Variants in FAT1 observed in about 807,000 individuals in gnomAD.
The protein encoded by FAT1 is FAT atypical cadherin 1.
Under a neutral mutation model 329.8 loss-of-function variants are expected in FAT1, and 171 were observed. The ratio of observed to expected loss-of-function variants is 0.52; its 90% confidence interval spans 0.46 to 0.59. FAT1 has a LOEUF of 0.59. FAT1 is among the 20% of genes least tolerant of loss of function. FAT1 has a pLI of 0.00. For missense variants in FAT1, 5,672 were observed against 5,774.4 expected (o/e 0.98, Z 0.57); for synonymous variants, 2,233 against 2,228.6 (o/e 1.00, Z -0.06).
intron 3 of FAT1, among the ~76,000 whole-genome samples, chr4:186,655,805 T>C (rs1041351036): frequency 4.6e-5 from 7 of 152,222 alleles, no homozygotes; most frequent in Admixed American, 6.5e-5. Context: ...GTATACAGTA[T>C]GCTATCTGTA....
At position 186,653,567 on chromosome 4, in the gene FAT1, C is replaced by T. The variant is rs556592115; in HGVS notation, c.3580+9732G>A. Among the ~76,000 whole-genome samples, 10 of 152,274 alleles carry T rather than the reference C, an allele frequency of 6.6e-5. No individual in the cohort carries two copies. In the East Asian group the frequency reaches 1.5e-3, roughly 23 times the overall value. On this transcript the variant is annotated intron_variant, in intron 3 of 26. Transcript: ENST00000441802. ...GTTTAACTAGTCCCACCAGTAAATA[C>T]GTCCACTCATCAGGAGTCAGGAAAG...
chr4:186,686,448 A>T (rs1464363439), intron 2 of FAT1, among the ~76,000 whole-genome samples: 1 of 152,194 alleles, frequency 6.6e-6, no homozygotes, highest in African/African-American at 2.4e-5. Flanking sequence ...CAATGAAAGC[A>T]TCTTGGCATA....
At chr4:186,652,915 T>G (rs1741733245) in intron 3 of FAT1, among the ~76,000 whole-genome samples, 1 of 152,230 alleles carries the variant, frequency 6.6e-6, no homozygotes. Flanking sequence ...CTTTAGGGAT[T>G]ACCACACATA....
chr4:186,651,018 A>C (rs888529522), intron 3 of FAT1, among the ~76,000 whole-genome samples: 4 of 63,386 alleles, frequency 6.3e-5, no homozygotes, highest in Non-Finnish European at 1.3e-4. Flanking sequence ...ACAATGAAGT[A>C]TTAAATAATT....
intron 11 of FAT1, 52 bp from the exon 12 acceptor site, chr4:186,614,396 A>T: frequency 8.3e-7 from 1 of 1,209,424 alleles, no homozygotes; most frequent in Non-Finnish European, 1.1e-6. Flanking sequence ...CAGGCAGCAC[A>T]AACATCAAGG....
At chr4:186,625,048 A>T (rs1393948608) in intron 9 of FAT1, among the ~76,000 whole-genome samples, 1 of 152,220 alleles carries the variant, frequency 6.6e-6, no homozygotes, top group East Asian at 1.9e-4. Flanking sequence ...TTCTCTGAAT[A>T]CCAGATTCCT....
chr4:186,673,368 A>C (rs969468603), intron 2 of FAT1, among the ~76,000 whole-genome samples: 1 of 152,228 alleles, frequency 6.6e-6, no homozygotes, highest in Admixed American at 6.5e-5. Flanking sequence ...TCTATGTCTT[A>C]GATGTACTTT....
rs922173117 is a variant in FAT1 at position 186,596,832 on chromosome 4, C to T, written c.12708G>A (p.Lys4236=). ...AFLQRPYFDS[K]LNKNIYSDIP... ...TGTCTGAGTAAATGTTCTTATTTAG[C>T]TTGGAATCAAAATACGGTCTTTGCA... Residue 4236 remains lysine, a synonymous_variant, in exon 25 of 27, where the codon AAG becomes AAA. Transcript: ENST00000441802. The surrounding 1 kb of genome is among the most constrained non-coding windows in gnomAD (Gnocchi z 4.7). 1 of 1,613,970 alleles carries T rather than the reference C, an allele frequency of 6.2e-7. No individual in the cohort carries two copies. Among genetic ancestry groups the T allele is most frequent in the Non-Finnish European group, 8.5e-7 (1 of 1,179,896 alleles).
chr4:186,695,266 C>T (rs1208538861), intron 2 of FAT1, among the ~76,000 whole-genome samples: 1 of 152,184 alleles, frequency 6.6e-6, no homozygotes, highest in Non-Finnish European at 1.5e-5. Context: ...GGCAATAGCA[C>T]TACTCTACAG....
rs748934866 is a variant in FAT1, at chr4:186,628,144, C to T, written c.4810+10G>A. The T allele has an allele frequency of 5.6e-6, 9 of 1,612,554 alleles. No homozygotes were observed. The highest frequency in any genetic ancestry group is 6.8e-6 in the Non-Finnish European group (8 of 1,179,282). ...CAAATTTAAAATGCCACTGAAGGCT[C>T]CAAAAGTACCTGACTCGATCGAGTA... On this transcript the variant is annotated intron_variant, in intron 9 of 26. Coordinates refer to ENST00000441802, the MANE Select transcript of FAT1 (RefSeq NM_005245.4).
At position 186,633,829 on chromosome 4, in the gene FAT1, T is replaced by A. The variant is rs762915505; in HGVS notation, c.4184-6A>T. ...GTGACTGTCGTAGTTGCCACCTAAT[T>A]TGGGGAAAAAAAAGTAAAAACAGGT... is the stretch of plus-strand genomic sequence containing the variant. On this transcript the variant is annotated splice_region_variant and splice_polypyrimidine_tract_variant and intron_variant, in intron 6 of 26. Transcript: ENST00000441802. 8.7e-6 allele frequency: 14 copies of A among 1,613,492 alleles called. No homozygotes were observed. Among genetic ancestry groups the A allele is most frequent in the Non-Finnish European group, 1.2e-5 (14 of 1,179,766 alleles).
Position 186,609,885 on chromosome 4 carries a change from G to A in FAT1, c.9984C>T (p.Ile3328=), listed in dbSNP as rs1222586263. The change falls in exon 15 of 27, where the codon ATC becomes ATT. Residue 3328 remains isoleucine (I), a synonymous_variant. Transcript: ENST00000441802. ...GGCTGAACACAGGGGTATTATCGTTGATATCTGTTACATTAACGTTCACAG... is the reference window on the plus strand; with the variant it reads ...GGCTGAACACAGGGGTATTATCGTTAATATCTGTTACATTAACGTTCACAG... ...VATVNVNVTD[I]NDNTPVFSQD... 1.9e-6 allele frequency: 3 copies of A among 1,612,810 alleles called. No individual in the cohort carries two copies. Among genetic ancestry groups the A allele is most frequent in the Admixed American group, 3.3e-5 (2 of 59,994 alleles).
chr4:186,712,694 G>A (rs1382945755), intron 1 of FAT1, among the ~76,000 whole-genome samples: 4 of 152,166 alleles, frequency 2.6e-5, no homozygotes, highest in Non-Finnish European at 5.9e-5. Flanking sequence ...TTACACTAGT[G>A]ACATGCTGGG....
In FAT1 at chr4:186,597,699, C is replaced by T. The variant is rs538167941; in HGVS notation, c.12351G>A (p.Ser4117=). The change falls in exon 24 of 27, where the codon TCG becomes TCA. Residue 4117 remains serine (S), a synonymous_variant. Coordinates refer to ENST00000441802, the MANE Select transcript of FAT1 (RefSeq NM_005245.4). ...CCATTTACCTTTCTCCCCTAAAACCCGAATCACACTGACAAACGGCGCCAT... is the reference window on the plus strand; with the variant it reads ...CCATTTACCTTTCTCCCCTAAAACCTGAATCACACTGACAAACGGCGCCAT... ...SLDGAVCQCD[S]GFRGERCQSD... is the part of the protein sequence containing the mutation. 51 of 1,613,646 alleles carry T rather than the reference C, an allele frequency of 3.2e-5. No individual in the cohort carries two copies. In the East Asian group the frequency reaches 4.0e-4, roughly 13 times the overall value.
At chr4:186,615,159 T>C (rs1189912108) in intron 11 of FAT1, among the ~76,000 whole-genome samples, 3 of 149,548 alleles carry the variant, frequency 2.0e-5, no homozygotes, top group African/African-American at 7.5e-5. Context: ...CTGAAGATGA[T>C]AGAGTATTGT....
intron 22 of FAT1, among the ~76,000 whole-genome samples, chr4:186,599,203 G>A (rs920181082): frequency 3.3e-5 from 5 of 152,144 alleles, no homozygotes; most frequent in East Asian, 1.9e-4. Flanking sequence ...CCCACTCTAC[G>A]CACACAGAAT....
chr4:186,700,072 T>C (rs1381702989), intron 2 of FAT1, among the ~76,000 whole-genome samples: 2 of 152,078 alleles, frequency 1.3e-5, no homozygotes, highest in East Asian at 3.9e-4. Context: ...TGCCCCGTAC[T>C]AGATGGCCAA....
chr4:186,649,447 C>A (rs575803037), intron 3 of FAT1, among the ~76,000 whole-genome samples: 2 of 152,026 alleles, frequency 1.3e-5, no homozygotes, highest in Non-Finnish European at 2.9e-5. Context: ...GATAAGCATC[C>A]CTGAAGATGT....
intron 1 of FAT1, among the ~76,000 whole-genome samples, chr4:186,717,973 A>G (rs1182695689): frequency 6.6e-6 from 1 of 152,206 alleles, no homozygotes; most frequent in Non-Finnish European, 1.5e-5. Context: ...CTCCACAAAC[A>G]GAAGTAATTT....
Sources: allele counts gnomAD v4.1 joint callset (sites outside exome capture counted in the v4.1 genomes callset), GRCh38; gene constraint gnomAD v4.1.1; non-coding constraint Gnocchi (gnomAD v3.1); transcripts MANE v1.5; gene names NCBI Gene and HGNC (gene_info 2026-07-23, HGNC 2026-07-21).